The following CTNNA3 variants were observed in gnomAD, a reference collection of about 807,000 sequenced individuals.
CTNNA3 encodes the protein catenin alpha-3.
CTNNA3 carries 76 observed loss-of-function variants against 95.7 expected under a neutral mutation model. The observed-to-expected ratio is 0.79, with a 90% CI of 0.66 to 0.96. The LOEUF (loss-of-function observed/expected upper bound fraction) is 0.96, where lower values mean the gene tolerates loss of function less well. Ranked by LOEUF, CTNNA3 falls within the 40% of genes least tolerant of loss-of-function variation. CTNNA3 has a pLI of 0.00. For missense variants in CTNNA3, 1,191 were observed against 1,089.8 expected (o/e 1.09, Z -1.31); for synonymous variants, 431 against 374.4 (o/e 1.15, Z -1.74).
At chr10:67,683,364 TG>T (rs1353213552) in intron 1 of CTNNA3, among the ~76,000 whole-genome samples, 1 of 152,202 alleles carries the variant, frequency 6.6e-6, no homozygotes, top group Non-Finnish European at 1.5e-5. Flanking sequence ...TTTGGTTCAC[TG>T]GTATTTATCT....
At chr10:67,529,422 A>G (rs1840249595) in intron 4 of CTNNA3, among the ~76,000 whole-genome samples, 1 of 147,026 alleles carries the variant, frequency 6.8e-6, no homozygotes, top group Admixed American at 6.9e-5. Flanking sequence ...ATAAATAAGT[A>G]CAACTATTAT....
chr10:67,173,109 GATA>G (rs1438308470), intron 7 of CTNNA3, among the ~76,000 whole-genome samples: 2 of 152,086 alleles, frequency 1.3e-5, no homozygotes, highest in Non-Finnish European at 2.9e-5. Context: ...GCTAACACAG[GATA>G]ATATTTCATT....
chr10:66,816,728 C>T (rs937352029), intron 7 of CTNNA3, among the ~76,000 whole-genome samples: 1 of 152,046 alleles, frequency 6.6e-6, no homozygotes, highest in African/African-American at 2.4e-5. Context: ...ATTGTACATT[C>T]TTCCCAAATT....
chr10:66,875,986 A>G (rs910427555), intron 7 of CTNNA3, among the ~76,000 whole-genome samples: 3 of 152,164 alleles, frequency 2.0e-5, no homozygotes, highest in Admixed American at 6.6e-5. Context: ...CCCAAAGGTT[A>G]CATCAAGCAG....
chr10:67,606,771 AAAAAC>A lies in CTNNA3; in HGVS notation c.292+81_292+85del. 3 of 1,149,240 alleles carry A rather than the reference AAAAAC, an allele frequency of 2.6e-6. No homozygotes were observed. The South Asian group carries it at 4.5e-5, about 17-fold the overall frequency. 71.2% of individuals were successfully genotyped at this position (1,149,240 alleles called of 1,614,324 possible). ...AAAAGACTAAAAAACTGGAGCCAAC[AAAAAC>A]AAAACACTCACAAATCTAATTTGGG... On this transcript the variant is annotated intron_variant, in intron 3 of 17. Coordinates refer to ENST00000433211, the MANE Select transcript of CTNNA3 (RefSeq NM_013266.4).
intron 5 of CTNNA3, among the ~76,000 whole-genome samples, chr10:67,517,904 C>T (rs1839871840): frequency 1.3e-5 from 2 of 152,082 alleles, no homozygotes; most frequent in Admixed American, 1.3e-4. Flanking sequence ...AGAACATATC[C>T]ATATCCTTAT....
chr10:67,561,747 C>A (rs964502294), intron 3 of CTNNA3, among the ~76,000 whole-genome samples: 1 of 151,966 alleles, frequency 6.6e-6, no homozygotes, highest in African/African-American at 2.4e-5. Context: ...GCTAGCAAGA[C>A]TAAGAAAGAC....
At chr10:67,573,305 T>C (rs917217637) in intron 3 of CTNNA3, among the ~76,000 whole-genome samples, 21 of 152,140 alleles carry the variant, frequency 1.4e-4, no homozygotes, top group Admixed American at 6.5e-5. Context: ...AGATAAAATT[T>C]GCTTCCTCTT....
At chr10:66,099,562 T>A (rs1362556049) in intron 14 of CTNNA3, among the ~76,000 whole-genome samples, 1 of 152,150 alleles carries the variant, frequency 6.6e-6, no homozygotes, top group African/African-American at 2.4e-5. Context: ...GGGGACCAAA[T>A]CTGAGCTATC....
At chr10:66,121,997 AAATG>A (rs2082605705) in intron 13 of CTNNA3, among the ~76,000 whole-genome samples, 1 of 152,214 alleles carries the variant, frequency 6.6e-6, no homozygotes, top group Admixed American at 6.5e-5. Context: ...TTAATCACAT[AAATG>A]ACAACTTCCC....
intron 12 of CTNNA3, among the ~76,000 whole-genome samples, chr10:66,310,300 G>A (rs186841497): frequency 1.3e-4 from 20 of 151,950 alleles, no homozygotes; most frequent in Admixed American, 4.6e-4. Flanking sequence ...AGAGATATTC[G>A]TCACCTTTAA....
chr10:66,736,527 T>A (rs7087253), intron 9 of CTNNA3, among the ~76,000 whole-genome samples: 76,812 of 151,760 alleles, frequency 0.51, 19,733 homozygotes, highest in African/African-American at 0.59. Context: ...TTTCTATCAT[T>A]ATAAATTGAA....
intron 3 of CTNNA3, among the ~76,000 whole-genome samples, chr10:67,577,084 G>A (rs901517302): frequency 6.6e-6 from 1 of 150,840 alleles, no homozygotes; most frequent in Non-Finnish European, 1.5e-5. Flanking sequence ...TGGGATGGCT[G>A]GGTCAAATGG....
chr10:66,899,576 C>T (rs528995775), intron 7 of CTNNA3, among the ~76,000 whole-genome samples: 8 of 152,196 alleles, frequency 5.3e-5, no homozygotes, highest in Admixed American at 1.3e-4. Flanking sequence ...TGCAAGGGTT[C>T]GGAGGATTTC....
intron 11 of CTNNA3, among the ~76,000 whole-genome samples, chr10:66,470,890 C>A (rs528296270): frequency 6.6e-6 from 1 of 151,874 alleles, no homozygotes. Context: ...AAAGTCTGAG[C>A]AAGACAATTT....
At chr10:66,171,784 T>C (rs1432891296) in intron 13 of CTNNA3, among the ~76,000 whole-genome samples, 2 of 152,036 alleles carry the variant, frequency 1.3e-5, no homozygotes, top group Non-Finnish European at 2.9e-5. Flanking sequence ...TGATGAAGAA[T>C]GGCAGACCCT....
rs144212344 is a variant in CTNNA3, at chr10:67,019,165, G to C, written c.1047+161152C>G. On this transcript the variant is annotated intron_variant, in intron 7 of 17. Transcript: ENST00000433211. ...GATATCAATACTACCTCATAAATAT[G>C]GGTTACTTCACATTTGAAACCATTC... Among the ~76,000 whole-genome samples, 651 of 152,042 alleles carry C rather than the reference G, an allele frequency of 4.3e-3. 19 individuals are homozygous for C. The highest frequency in any genetic ancestry group is 0.034 in the Middle Eastern group (10 of 294).
intron 14 of CTNNA3, among the ~76,000 whole-genome samples, chr10:66,070,599 A>G (rs2080414680): frequency 6.6e-6 from 1 of 152,144 alleles, no homozygotes; most frequent in Admixed American, 6.6e-5. Context: ...AAAATTATTT[A>G]CTGTTCTCAT....
At chr10:66,319,031 T>C (rs760283408) in intron 12 of CTNNA3, among the ~76,000 whole-genome samples, 1 of 151,974 alleles carries the variant, frequency 6.6e-6, no homozygotes. Context: ...ACTTAAGAAA[T>C]CGAGTTATTA....
Sources: gnomAD v4.1 joint callset for allele counts (sites outside exome capture counted in the v4.1 genomes callset) on GRCh38, gnomAD v4.1.1 for gene constraint, MANE v1.5 for transcripts, NCBI Gene and HGNC (gene_info 2026-07-23, HGNC 2026-07-21) for gene names.